Variants in FRYL observed in about 807,000 individuals in gnomAD.
The protein encoded by FRYL is protein furry homolog-like.
A neutral mutation model predicts 351.2 loss-of-function variants in FRYL; 150 were observed. That is an observed-to-expected ratio of 0.43 (90% confidence interval 0.37 to 0.49). The LOEUF (loss-of-function observed/expected upper bound fraction) is 0.49. Among genes scored for constraint, FRYL ranks in the 20% least tolerant of loss-of-function variants. The pLI is 0.00. For missense variants in FRYL, 3,036 were observed against 3,619.3 expected (o/e 0.84, Z 4.13); for synonymous variants, 1,153 against 1,257.1 (o/e 0.92, Z 1.75).
chr4:48,694,534 T>C (rs1030101143), intron 2 of FRYL, among the ~76,000 whole-genome samples: 1 of 152,070 alleles, frequency 6.6e-6, no homozygotes, highest in Admixed American at 6.6e-5. Flanking sequence ...TGACCTCAGG[T>C]GATCCACTTG....
intron 7 of FRYL, 30 bp from the exon 8 acceptor site, chr4:48,609,853 GTTAAATTATTGGTTTT>G (rs1454815572): frequency 4.8e-6 from 6 of 1,249,000 alleles, no homozygotes; most frequent in Non-Finnish European, 6.8e-6. Flanking sequence ...TCAAGTAAGA[GTTAAATTATTGGTTTT>G]TTATGAGTAT....
intron 2 of FRYL, among the ~76,000 whole-genome samples, chr4:48,691,361 C>T (rs1040976025): frequency 9.9e-5 from 15 of 152,102 alleles, no homozygotes; most frequent in African/African-American, 3.4e-4. Flanking sequence ...AAAATCATGG[C>T]ACATTCCTAA....
chr4:48,699,286 T>C (rs1041897144), intron 2 of FRYL, among the ~76,000 whole-genome samples: 2 of 152,156 alleles, frequency 1.3e-5, no homozygotes, highest in African/African-American at 2.4e-5. Context: ...GCTAGAGAAC[T>C]CTCAAAAAGG....
chr4:48,656,327 A>G (rs1759021318), intron 3 of FRYL, among the ~76,000 whole-genome samples: 1 of 127,818 alleles, frequency 7.8e-6, no homozygotes, highest in Non-Finnish European at 1.6e-5. Flanking sequence ...CATAATATAT[A>G]CTAAATATAT....
intron 60 of FRYL, among the ~76,000 whole-genome samples, chr4:48,504,260 G>A (rs1267468924): frequency 1.3e-5 from 2 of 152,082 alleles, no homozygotes; most frequent in South Asian, 2.1e-4. Flanking sequence ...CATAAAAAGC[G>A]TCTTCCACCC....
intron 1 of FRYL, among the ~76,000 whole-genome samples, chr4:48,720,590 A>C (rs1334452364): frequency 6.6e-6 from 1 of 152,140 alleles, no homozygotes; most frequent in Non-Finnish European, 1.5e-5. Flanking sequence ...ACCACCATCC[A>C]CCTCCAGAAC....
intron 55 of FRYL, among the ~76,000 whole-genome samples, chr4:48,518,081 A>G (rs190710481): frequency 6.6e-6 from 1 of 152,306 alleles, no homozygotes; most frequent in Admixed American, 6.5e-5. Flanking sequence ...TCTTTTGGTG[A>G]CAGTTTTAAT....
chr4:48,516,805 G>C (rs1488378622), intron 55 of FRYL, among the ~76,000 whole-genome samples: 3 of 152,088 alleles, frequency 2.0e-5, no homozygotes, highest in Admixed American at 2.0e-4. Context: ...GTAAATGTAC[G>C]GTAAATACTA....
intron 3 of FRYL, chr4:48,636,731 G>GA (rs1295200554): frequency 3.3e-5 from 5 of 151,790 alleles, no homozygotes; most frequent in African/African-American, 1.2e-4. Flanking sequence ...AAATTTTTAT[G>GA]AAAAAACCTT....
At chr4:48,745,254 T>G (rs900251353) in intron 1 of FRYL, among the ~76,000 whole-genome samples, 1 of 152,192 alleles carries the variant, frequency 6.6e-6, no homozygotes, top group Non-Finnish European at 1.5e-5. Flanking sequence ...CATTACTGGG[T>G]ATATACCCAA....
intron 3 of FRYL, among the ~76,000 whole-genome samples, chr4:48,674,514 G>C (rs1763233890): frequency 6.6e-6 from 1 of 151,968 alleles, no homozygotes; most frequent in Admixed American, 6.6e-5. Context: ...AAGGCGGGTA[G>C]ATCACGAGGT....
At chr4:48,671,665 CTCAAAACAAA>C (rs566677875) in intron 3 of FRYL, among the ~76,000 whole-genome samples, 6,943 of 150,890 alleles carry the variant, frequency 0.046, 267 homozygotes, top group Non-Finnish European at 0.062. Context: ...AAAACTCCAT[CTCAAAACAAA>C]ACAAAACAAA....
chr4:48,674,333 C>A (rs1763197353), intron 3 of FRYL, among the ~76,000 whole-genome samples: 1 of 152,072 alleles, frequency 6.6e-6, no homozygotes, highest in Non-Finnish European at 1.5e-5. Flanking sequence ...AGTCTTGGAT[C>A]ACATAATTAG....
intron 25 of FRYL, 131 bp from the exon 26 acceptor site, chr4:48,573,374 T>C (rs1164087160): frequency 1.6e-6 from 1 of 613,166 alleles, no homozygotes; most frequent in East Asian, 2.9e-5. Flanking sequence ...CAATGTCTAT[T>C]TTTTTATTTG....
chr4:48,687,492 C>CGGGGGGGGGGGGGAGGGGGGGGGGG (rs1765256219), intron 2 of FRYL, among the ~76,000 whole-genome samples: 1 of 46,566 alleles, frequency 2.1e-5, no homozygotes, highest in Non-Finnish European at 3.7e-5. Context: ...CAAATGAGGT[C>CGGGGGGGGGGGGGAGGGGGGGGGGG]GGGGGGGGGG....
At chr4:48,677,855 TATC>T (rs1763974904) in intron 3 of FRYL, among the ~76,000 whole-genome samples, 1 of 152,220 alleles carries the variant, frequency 6.6e-6, no homozygotes, top group South Asian at 2.1e-4. Flanking sequence ...AGTCTCTCCA[TATC>T]ATCGAGTTCT....
At chr4:48,652,433 A>T (rs2149436250) in intron 3 of FRYL, among the ~76,000 whole-genome samples, 1 of 152,356 alleles carries the variant, frequency 6.6e-6, no homozygotes, top group East Asian at 1.9e-4. Flanking sequence ...TCTCCCTTTT[A>T]ACTAGTGAAA....
At chr4:48,508,786 A>G (rs1190702026) in intron 59 of FRYL, among the ~76,000 whole-genome samples, 3 of 152,150 alleles carry the variant, frequency 2.0e-5, no homozygotes, top group Non-Finnish European at 2.9e-5. Context: ...AGTTTCCCAG[A>G]GTTTACCCCA....
chr4:48,625,056 T>C (rs893209130), intron 4 of FRYL, among the ~76,000 whole-genome samples: 1 of 152,176 alleles, frequency 6.6e-6, no homozygotes, highest in Non-Finnish European at 1.5e-5. Context: ...AACTCCACCA[T>C]TGTTTCTCTT....
Sources: allele counts gnomAD v4.1 joint callset (sites outside exome capture counted in the v4.1 genomes callset), GRCh38; gene constraint gnomAD v4.1.1; transcripts MANE v1.5; gene names NCBI Gene and HGNC (gene_info 2026-07-23, HGNC 2026-07-21).